MAT1A: variants seen among roughly 807,000 people sequenced by gnomAD.
The protein encoded by MAT1A is methionine adenosyltransferase 1A.
A neutral mutation model predicts 44.0 loss-of-function variants in MAT1A; 19 were observed. The ratio of observed to expected loss-of-function variants is 0.43; its 90% CI spans 0.30 to 0.63. The LOEUF is 0.63. Ranked by LOEUF, MAT1A falls within the 30% of genes least tolerant of loss-of-function variation. The pLI is 0.12. For missense variants in MAT1A, 397 were observed against 531.0 expected (o/e 0.75, Z 2.48); for synonymous variants, 205 against 205.6 (o/e 1.00, Z 0.03).
In MAT1A at chr10:80,285,645, A is replaced by G. The variant is rs925792984; in HGVS notation, c.92-56T>C. 4 of 1,172,662 alleles carry G rather than the reference A, an allele frequency of 3.4e-6. No homozygotes were observed. The African/African-American group carries it at 6.0e-5, about 18-fold the overall frequency. The allele number at this position is 1,172,662 out of a possible 1,614,324, so 72.6% of individuals were successfully genotyped here. The stretch of plus-strand genomic sequence containing the variant: ...CAAAAATATTCGGGATAACAAATTG[A>G]AATCTTAAAATAATTAGATATCGAC... On this transcript the variant is annotated intron_variant, in intron 1 of 8. Coordinates refer to ENST00000372213, the MANE Select transcript of MAT1A (RefSeq NM_000429.3).
Position 80,274,662 on chromosome 10 carries a change from A to G in MAT1A, c.952-9T>C, listed in dbSNP as rs886047320. 6.2e-7 allele frequency: 1 copy of G among 1,614,154 alleles called. No homozygotes were observed. The highest frequency in any genetic ancestry group is 8.5e-7 in the Non-Finnish European group (1 of 1,180,008). ...CCAATGGCATAGGAAACCTTCCAGCAAGGTGCAGCGTCAGGGATTGAAGCC... is the reference window on the plus strand; with the variant it reads ...CCAATGGCATAGGAAACCTTCCAGCGAGGTGCAGCGTCAGGGATTGAAGCC... On this transcript the variant is annotated splice_polypyrimidine_tract_variant and intron_variant, in intron 7 of 8. Transcript: ENST00000372213.
At position 80,289,491 on chromosome 10, in the gene MAT1A, T is replaced by TA; in HGVS notation, c.-69_-68insT. On this transcript the variant is annotated 5_prime_UTR_variant, in exon 1 of 9. Transcript: ENST00000372213. ...TTGAGGCTGTGACTTTGCCTGAGTT[T>TA]TTTTTTCTTCTTCTTCTTCTTCTTT... The TA allele has an allele frequency of 8.5e-7, 1 of 1,172,652 alleles. No individual in the cohort carries two copies. Among genetic ancestry groups the TA allele is most frequent in the Non-Finnish European group, 1.2e-6 (1 of 816,310 alleles). 72.6% of individuals were successfully genotyped at this position (1,172,652 alleles called of 1,614,324 possible).
chr10:80,288,053 C>G (rs111569433), intron 1 of MAT1A, among the ~76,000 whole-genome samples: 89 of 152,214 alleles, frequency 5.8e-4, no homozygotes, highest in African/African-American at 2.1e-3. Context: ...AAAACTGCCA[C>G]CAGTCAAAAA....
intron 6 of MAT1A, 27 bp downstream of exon 6, chr10:80,276,349 G>A (rs374791912): frequency 6.2e-7 from 1 of 1,611,782 alleles, no homozygotes; most frequent in African/African-American, 1.3e-5. Flanking sequence ...AGACAAACCA[G>A]GGCTTCGTTC....
At chr10:80,285,469 G>A (rs1324942717) in intron 2 of MAT1A, 43 bp downstream of exon 2, 1 of 1,522,050 alleles carries the variant, frequency 6.6e-7, no homozygotes, top group South Asian at 1.1e-5. Context: ...TCTCAGTCTA[G>A]CCCACTTAGG....
chr10:80,278,821 A>T lies in MAT1A; in HGVS notation c.549+1352T>A, dbSNP rs192453443. ...TGAGCTATAACACCATGGGTGCCAG[A>T]TTCCAAGTGCAGGACAAGAGAAGGC... is the stretch of plus-strand genomic sequence containing the variant. On this transcript the variant is annotated intron_variant, in intron 5 of 8. Coordinates refer to ENST00000372213, the MANE Select transcript of MAT1A (RefSeq NM_000429.3). Among the ~76,000 whole-genome samples, 202 of 152,372 alleles carry T rather than the reference A, an allele frequency of 1.3e-3. 1 individual carries two copies. Among genetic ancestry groups the T allele is most frequent in the Middle Eastern group, 3.4e-3 (1 of 294 alleles).
chr10:80,274,222 C>T (rs1488050487), intron 8 of MAT1A, among the ~76,000 whole-genome samples: 2 of 152,160 alleles, frequency 1.3e-5, no homozygotes, highest in Non-Finnish European at 2.9e-5. Flanking sequence ...GCCATTTGAG[C>T]TATTTGGCCT....
chr10:80,288,087 G>T (rs1457617062), intron 1 of MAT1A, among the ~76,000 whole-genome samples: 1 of 152,202 alleles, frequency 6.6e-6, no homozygotes, highest in African/African-American at 2.4e-5. Context: ...TATATGGAAG[G>T]AGTAGTGCAC....
In MAT1A at chr10:80,280,660, C is replaced by G. The variant is rs756272523; in HGVS notation, c.405+20G>C. 6.3e-7 allele frequency: 1 copy of G among 1,578,970 alleles called. No individual in the cohort carries two copies. The highest frequency in any genetic ancestry group is 1.1e-5 in the South Asian group (1 of 90,388). ...CCCAGCCAGCTCAACACACAGCTCC[C>G]ACATGCAGTGCCGAGCTACCTGATC... On this transcript the variant is annotated intron_variant, in intron 4 of 8. Coordinates refer to ENST00000372213, the MANE Select transcript of MAT1A (RefSeq NM_000429.3).
At chr10:80,275,863 A>C (rs952279730) in intron 6 of MAT1A, among the ~76,000 whole-genome samples, 1 of 152,216 alleles carries the variant, frequency 6.6e-6, no homozygotes, top group Non-Finnish European at 1.5e-5. Context: ...AGTGGGCAGC[A>C]GCCTCACAGC....
rs777818768 is a variant in MAT1A, at chr10:80,289,403, G to C, written c.21C>G (p.Gly7=). 1.6e-5 allele frequency: 26 copies of C among 1,613,924 alleles called. No individual in the cohort carries two copies. The highest frequency in any genetic ancestry group is 2.1e-5 in the Non-Finnish European group (25 of 1,179,924). ...CTTCACTTAGAGAGTGGTCACACAA[G>C]CCATCCACCGGTCCATTCATCTTCT... MNGPVD[G]LCDHSLSEGV... The change falls in exon 1 of 9, where the codon GGC becomes GGG. Residue 7 remains glycine, a synonymous_variant. Coordinates refer to ENST00000372213, the MANE Select transcript of MAT1A (RefSeq NM_000429.3).
intron 4 of MAT1A, 51 bp from the exon 5 acceptor site, chr10:80,280,367 G>T: frequency 1.9e-6 from 3 of 1,608,144 alleles, no homozygotes; most frequent in Non-Finnish European, 1.7e-6. Context: ...CAAGAGGACC[G>T]CAGCTCTCTC....
intron 1 of MAT1A, among the ~76,000 whole-genome samples, chr10:80,288,612 C>T (rs1017220960): frequency 2.9e-4 from 44 of 152,146 alleles, no homozygotes; most frequent in Admixed American, 2.6e-3. Flanking sequence ...TCTTAGAGAA[C>T]GTTACTGAGT....
chr10:80,285,471 C>T, intron 2 of MAT1A, 41 bp downstream of exon 2: 2 of 1,543,286 alleles, frequency 1.3e-6, no homozygotes, highest in South Asian at 2.2e-5. Context: ...TCAGTCTAGC[C>T]CACTTAGGTC....
At chr10:80,286,432 C>T (rs904138807) in intron 1 of MAT1A, among the ~76,000 whole-genome samples, 3 of 152,140 alleles carry the variant, frequency 2.0e-5, no homozygotes, top group Non-Finnish European at 2.9e-5. Context: ...AACCCCTATA[C>T]ATCATTGTTG....
chr10:80,276,645 C>T (rs768433696), intron 5 of MAT1A, 51 bp from the exon 6 acceptor site: 13 of 1,578,884 alleles, frequency 8.2e-6, no homozygotes, highest in Admixed American at 3.3e-5. Context: ...GCTGAGCGAA[C>T]GGCACATCGT....
intron 5 of MAT1A, among the ~76,000 whole-genome samples, chr10:80,276,871 C>A (rs1841495294): frequency 6.6e-6 from 1 of 152,254 alleles, no homozygotes; most frequent in African/African-American, 2.4e-5. Context: ...ACTTCTGACC[C>A]ACTACATGTC....
chr10:80,284,032 A>G lies in MAT1A; in HGVS notation c.176T>C (p.Val59Ala), dbSNP rs376040786. Residue 59 changes from valine to alanine, a missense_variant, in exon 3 of 9, where the codon GTG becomes GCG. Val to Ala is a moderately conservative substitution (Grantham distance 64). Transcript: ENST00000372213. ...DPNAKVACETVCKTGMVLLCG... is the reference protein window; with the variant it reads ...DPNAKVACETACKTGMVLLCG... ...CAGCAGCACCATGCCGGTCTTGCAC[A>G]CTGTCTCTGAAAGGGAGCGGGGAGC... The G allele has an allele frequency of 1.9e-6, 3 of 1,614,110 alleles. No individual in the cohort carries two copies. Among genetic ancestry groups the G allele is most frequent in the Non-Finnish European group, 2.5e-6 (3 of 1,179,992 alleles).
intron 3 of MAT1A, among the ~76,000 whole-genome samples, chr10:80,281,903 C>G (rs1457620203): frequency 1.3e-5 from 2 of 152,134 alleles, no homozygotes; most frequent in African/African-American, 4.8e-5. Context: ...CCTCCAGCTC[C>G]CACCCCACAT....
Sources: gnomAD v4.1 joint callset for allele counts (sites outside exome capture counted in the v4.1 genomes callset) on GRCh38, gnomAD v4.1.1 for gene constraint, MANE v1.5 for transcripts, NCBI Gene and HGNC (gene_info 2026-07-23, HGNC 2026-07-21) for gene names.